The following CNTNAP5 variants were observed in gnomAD, a reference collection of about 807,000 sequenced individuals.
The protein encoded by CNTNAP5 is contactin-associated protein-like 5.
A neutral mutation model predicts 150.2 loss-of-function variants in CNTNAP5; 72 were observed. That is an observed-to-expected ratio of 0.48 (90% confidence interval 0.40 to 0.58). The LOEUF is 0.58. CNTNAP5 is among the 20% of genes least tolerant of loss of function. The probability of loss-of-function intolerance (pLI) is 0.00; values close to 1 mark genes in which losing one functional copy is unlikely to be tolerated. For synonymous variants in CNTNAP5, 672 were observed against 619.8 expected (o/e 1.08, Z -1.25); for missense variants, 1,636 against 1,626.2 (o/e 1.01, Z -0.10).
At chr2:124,182,699 C>A (rs555360804) in intron 1 of CNTNAP5, among the ~76,000 whole-genome samples, 1 of 152,242 alleles carries the variant, frequency 6.6e-6, no homozygotes, top group Admixed American at 6.5e-5. Context: ...AAGTTCCAAG[C>A]ATTTGTCATA....
At chr2:124,282,125 C>T (rs116485183) in intron 3 of CNTNAP5, among the ~76,000 whole-genome samples, 196 of 151,908 alleles carry the variant, frequency 1.3e-3, no homozygotes, top group African/African-American at 4.4e-3. Flanking sequence ...TCCCAACAAG[C>T]ATAGGCACCC....
At chr2:124,864,097 G>T (rs1677579282) in intron 19 of CNTNAP5, among the ~76,000 whole-genome samples, 1 of 152,110 alleles carries the variant, frequency 6.6e-6, no homozygotes, top group South Asian at 2.1e-4. Context: ...AGCCAGTGAC[G>T]CTGGGGAAAG....
intron 21 of CNTNAP5, among the ~76,000 whole-genome samples, chr2:124,871,853 C>T (rs1280967669): frequency 6.6e-6 from 1 of 151,904 alleles, no homozygotes; most frequent in Non-Finnish European, 1.5e-5. Context: ...ATCTATGTAT[C>T]CAGTTCCTAT....
intron 3 of CNTNAP5, among the ~76,000 whole-genome samples, chr2:124,287,229 T>C (rs939919321): frequency 1.3e-5 from 2 of 152,186 alleles, no homozygotes; most frequent in African/African-American, 4.8e-5. Flanking sequence ...GGTGGTCTCA[T>C]TATCTCCATT....
At chr2:124,773,945 T>TGA (rs1380963426) in intron 17 of CNTNAP5, among the ~76,000 whole-genome samples, 7 of 106,360 alleles carry the variant, frequency 6.6e-5, no homozygotes, top group South Asian at 3.2e-4. Context: ...TGTGTGTGTG[T>TGA]GTGAGAGAGA....
At chr2:124,137,594 G>T (rs898908912) in intron 1 of CNTNAP5, among the ~76,000 whole-genome samples, 10 of 152,094 alleles carry the variant, frequency 6.6e-5, no homozygotes, top group African/African-American at 2.4e-4. Context: ...TCTACTTTGG[G>T]CGCTTTAGGG....
At chr2:124,508,539 G>T (rs1020066326) in intron 8 of CNTNAP5, among the ~76,000 whole-genome samples, 1 of 152,182 alleles carries the variant, frequency 6.6e-6, no homozygotes, top group Non-Finnish European at 1.5e-5. Context: ...TGTCTGTATT[G>T]TTAAGCGCAC....
At chr2:124,753,266 A>G (rs369738868) in intron 14 of CNTNAP5, among the ~76,000 whole-genome samples, 1 of 152,196 alleles carries the variant, frequency 6.6e-6, no homozygotes, top group Non-Finnish European at 1.5e-5. Context: ...TTTTTAGCAC[A>G]TGGAATCCTG....
At chr2:124,234,944 C>A (rs144019648) in intron 2 of CNTNAP5, among the ~76,000 whole-genome samples, 1 of 152,250 alleles carries the variant, frequency 6.6e-6, no homozygotes, top group Non-Finnish European at 1.5e-5. Context: ...CAGACTTCAC[C>A]ATTTCAGCCA....
chr2:124,103,599 A>G (rs2104698897), intron 1 of CNTNAP5, among the ~76,000 whole-genome samples: 1 of 152,234 alleles, frequency 6.6e-6, no homozygotes, highest in African/African-American at 2.4e-5. Context: ...AATTGACTAT[A>G]GTATTCAGTC....
At chr2:124,812,047 AT>A (rs368691321) in intron 19 of CNTNAP5, among the ~76,000 whole-genome samples, 1 of 10,388 alleles carries the variant, frequency 9.6e-5, no homozygotes, top group Non-Finnish European at 3.1e-4. Flanking sequence ...TATAATTTAT[AT>A]TTATATATTA....
intron 10 of CNTNAP5, among the ~76,000 whole-genome samples, chr2:124,557,325 T>A (rs1695781044): frequency 8.1e-6 from 1 of 123,128 alleles, no homozygotes; most frequent in African/African-American, 3.1e-5. Context: ...TTTTCTCACC[T>A]CTTAAAAAAA....
intron 12 of CNTNAP5, among the ~76,000 whole-genome samples, chr2:124,639,455 T>C (rs1279564125): frequency 6.6e-6 from 1 of 152,138 alleles, no homozygotes; most frequent in Admixed American, 6.5e-5. Context: ...CTCTCACCCT[T>C]AGAGAAGGCG....
intron 4 of CNTNAP5, among the ~76,000 whole-genome samples, chr2:124,424,724 A>C (rs1017625236): frequency 4.6e-5 from 7 of 152,200 alleles, no homozygotes; most frequent in African/African-American, 1.7e-4. Context: ...AACATTACCC[A>C]GTAGGCTCCC....
intron 1 of CNTNAP5, among the ~76,000 whole-genome samples, chr2:124,113,332 T>C (rs1030443106): frequency 1.3e-5 from 2 of 152,158 alleles, no homozygotes; most frequent in South Asian, 4.1e-4. Flanking sequence ...ATAGGTGTTA[T>C]ATGTCTCACT....
chr2:124,092,807 A>G (rs137871335), intron 1 of CNTNAP5, among the ~76,000 whole-genome samples: 2 of 152,140 alleles, frequency 1.3e-5, no homozygotes, highest in South Asian at 4.1e-4. Context: ...AAGTCCAAAG[A>G]TTGTTTGAGG....
chr2:124,450,786 G>T (rs949151921), intron 6 of CNTNAP5, among the ~76,000 whole-genome samples: 1 of 151,222 alleles, frequency 6.6e-6, no homozygotes, highest in Non-Finnish European at 1.5e-5. Context: ...ATCCAAGAAG[G>T]CTTTTCTTAT....
chr2:124,531,471 C>A (rs1458207881), intron 10 of CNTNAP5, among the ~76,000 whole-genome samples: 1 of 152,124 alleles, frequency 6.6e-6, no homozygotes, highest in Non-Finnish European at 1.5e-5. Flanking sequence ...ATTCAGTGAA[C>A]AGCTGTTGAT....
chr2:124,069,655 A>G (rs1443021348), intron 1 of CNTNAP5, among the ~76,000 whole-genome samples: 1 of 152,138 alleles, frequency 6.6e-6, no homozygotes, highest in African/African-American at 2.4e-5. Flanking sequence ...GGGACATGCT[A>G]TTTGTTTAGG....
Sources: allele counts gnomAD v4.1 joint callset (sites outside exome capture counted in the v4.1 genomes callset), GRCh38; gene constraint gnomAD v4.1.1; transcripts MANE v1.5; gene names NCBI Gene and HGNC (gene_info 2026-07-23, HGNC 2026-07-21).